Variants in CNTN5 observed in about 807,000 individuals in gnomAD.
CNTN5 encodes contactin-5.
Under a neutral mutation model 129.1 loss-of-function variants are expected in CNTN5, and 77 were observed. The observed-to-expected ratio is 0.60, with a 90% CI of 0.50 to 0.72. The LOEUF is 0.72. Ranked by LOEUF, CNTN5 falls within the 30% of genes least tolerant of loss-of-function variation. The probability of loss-of-function intolerance (pLI) is 0.00; values close to 1 mark genes in which losing one functional copy is unlikely to be tolerated. For synonymous variants in CNTN5, 509 were observed against 465.6 expected (o/e 1.09, Z -1.20); for missense variants, 1,478 against 1,328.8 (o/e 1.11, Z -1.75).
intron 1 of CNTN5, among the ~76,000 whole-genome samples, chr11:99,192,477 G>A (rs55719999): frequency 0.048 from 7,269 of 151,628 alleles, 581 homozygotes; most frequent in African/African-American, 0.16. Flanking sequence ...CAATATATAA[G>A]TAAGTAGTAG....
intron 7 of CNTN5, among the ~76,000 whole-genome samples, chr11:99,926,633 T>C (rs1358590278): frequency 1.3e-5 from 2 of 152,178 alleles, no homozygotes; most frequent in African/African-American, 4.8e-5. Context: ...TAAGATACCA[T>C]GATACTCCTT....
chr11:100,042,907 T>C (rs1457135809), intron 9 of CNTN5, among the ~76,000 whole-genome samples: 3 of 152,224 alleles, frequency 2.0e-5, no homozygotes, highest in Non-Finnish European at 4.4e-5. Flanking sequence ...AAATCAAATG[T>C]GTAGTTGAAC....
intron 15 of CNTN5, among the ~76,000 whole-genome samples, chr11:100,215,900 G>A (rs984107880): frequency 6.6e-6 from 1 of 152,124 alleles, no homozygotes; most frequent in Non-Finnish European, 1.5e-5. Context: ...GAATGAACAG[G>A]TGGAGCTCTT....
At chr11:100,148,527 G>A (rs974046586) in intron 13 of CNTN5, among the ~76,000 whole-genome samples, 4 of 152,054 alleles carry the variant, frequency 2.6e-5, no homozygotes, top group South Asian at 2.1e-4. Context: ...CCCCCAAACC[G>A]GTGTAACTGA....
At chr11:99,906,466 C>A (rs1949509616) in intron 6 of CNTN5, among the ~76,000 whole-genome samples, 1 of 152,066 alleles carries the variant, frequency 6.6e-6, no homozygotes, top group African/African-American at 2.4e-5. Flanking sequence ...TATGTTGAAC[C>A]AGCCTTGAAT....
chr11:100,011,458 A>G (rs929523305), intron 9 of CNTN5, among the ~76,000 whole-genome samples: 4 of 152,122 alleles, frequency 2.6e-5, no homozygotes, highest in Non-Finnish European at 4.4e-5. Flanking sequence ...TCTTTTTAAA[A>G]AATTTTACAT....
chr11:100,280,792 G>A (rs953063221), intron 18 of CNTN5, among the ~76,000 whole-genome samples: 1 of 151,918 alleles, frequency 6.6e-6, no homozygotes, highest in Admixed American at 6.6e-5. Context: ...TATTAGTGAA[G>A]GTGTTTTTCT....
chr11:99,386,073 C>G (rs1473866869), intron 2 of CNTN5, among the ~76,000 whole-genome samples: 2 of 152,192 alleles, frequency 1.3e-5, no homozygotes, highest in Non-Finnish European at 2.9e-5. Context: ...CTGATCTACT[C>G]AAGCCCGTTT....
intron 8 of CNTN5, among the ~76,000 whole-genome samples, chr11:99,962,093 GA>G (rs1196442423): frequency 6.7e-6 from 1 of 149,398 alleles, no homozygotes; most frequent in African/African-American, 2.5e-5. Context: ...AAGATAATAT[GA>G]AAAAACTTGA....
chr11:100,126,026 A>T (rs1363961661), intron 13 of CNTN5, among the ~76,000 whole-genome samples: 2 of 151,988 alleles, frequency 1.3e-5, no homozygotes, highest in Non-Finnish European at 1.5e-5. Context: ...ATTTCAAATA[A>T]TTTTTTGATT....
At chr11:99,344,313 A>T (rs376504461) in intron 2 of CNTN5, among the ~76,000 whole-genome samples, 46 of 152,254 alleles carry the variant, frequency 3.0e-4, no homozygotes, top group African/African-American at 9.6e-4. Flanking sequence ...CTCAATCCTT[A>T]GTTAACTGAA....
At chr11:99,888,044 G>A (rs1469357406) in intron 6 of CNTN5, among the ~76,000 whole-genome samples, 1 of 151,976 alleles carries the variant, frequency 6.6e-6, no homozygotes, top group African/African-American at 2.4e-5. Flanking sequence ...CCTAATTCTC[G>A]GTTATCTCCT....
chr11:100,241,312 A>T (rs1949737442), intron 16 of CNTN5, among the ~76,000 whole-genome samples: 1 of 152,214 alleles, frequency 6.6e-6, no homozygotes, highest in African/African-American at 2.4e-5. Flanking sequence ...TGGACTATAT[A>T]AAGTGTCTAC....
At chr11:99,893,058 A>G (rs1172811602) in intron 6 of CNTN5, among the ~76,000 whole-genome samples, 1 of 152,150 alleles carries the variant, frequency 6.6e-6, no homozygotes, top group South Asian at 2.1e-4. Flanking sequence ...AGTCTCAGCA[A>G]ATGTTTCCAG....
intron 1 of CNTN5, among the ~76,000 whole-genome samples, chr11:99,258,393 T>G (rs149395612): frequency 1.1e-4 from 17 of 152,160 alleles, no homozygotes; most frequent in African/African-American, 3.8e-4. Context: ...GAGAACATGC[T>G]ATATTTGGTT....
intron 8 of CNTN5, among the ~76,000 whole-genome samples, chr11:99,991,937 G>C (rs531433858): frequency 1.9e-4 from 29 of 152,254 alleles, no homozygotes; most frequent in African/African-American, 7.0e-4. Context: ...CAGCCAGGAA[G>C]ATAAAACCTA....
At chr11:99,129,346 A>G (rs961848363) in intron 1 of CNTN5, among the ~76,000 whole-genome samples, 1 of 152,192 alleles carries the variant, frequency 6.6e-6, no homozygotes, top group Admixed American at 6.5e-5. Context: ...GGCAGAAGAG[A>G]GACTATCACA....
At chr11:99,729,471 C>G (rs181684662) in intron 3 of CNTN5, among the ~76,000 whole-genome samples, 2 of 152,126 alleles carry the variant, frequency 1.3e-5, no homozygotes, top group Admixed American at 1.3e-4. Flanking sequence ...TCAAGTAGGC[C>G]CCAGTGTCTG....
intron 3 of CNTN5, among the ~76,000 whole-genome samples, chr11:99,593,894 C>A (rs944783923): frequency 1.3e-5 from 2 of 152,160 alleles, no homozygotes; most frequent in African/African-American, 4.8e-5. Flanking sequence ...TGAGATCAAT[C>A]ACTGGAATGT....
Sources: allele counts gnomAD v4.1 joint callset (sites outside exome capture counted in the v4.1 genomes callset), GRCh38; gene constraint gnomAD v4.1.1; transcripts MANE v1.5; gene names NCBI Gene and HGNC (gene_info 2026-07-23, HGNC 2026-07-21).